The following NBAS variants were observed in gnomAD, a reference collection of about 807,000 sequenced individuals.
NBAS encodes NBAS subunit of NRZ tethering complex.
NBAS carries 219 observed loss-of-function variants against 302.5 expected under a neutral mutation model. That is an observed-to-expected ratio of 0.72 (90% confidence interval 0.65 to 0.81). The LOEUF (loss-of-function observed/expected upper bound fraction) is 0.81. Ranked by LOEUF, NBAS falls within the 30% of genes least tolerant of loss-of-function variation. The probability of loss-of-function intolerance (pLI) is 0.00; values close to 1 mark genes in which losing one functional copy is unlikely to be tolerated. For missense variants in NBAS, 2,932 were observed against 2,841.6 expected (o/e 1.03, Z -0.72); for synonymous variants, 1,118 against 1,021.6 (o/e 1.09, Z -1.80).
intron 50 of NBAS, among the ~76,000 whole-genome samples, chr2:15,186,307 T>C (rs1228334539): frequency 5.9e-5 from 9 of 152,168 alleles, no homozygotes; most frequent in Admixed American, 3.9e-4. Context: ...AGAAAGAATA[T>C]TGTGATTATG....
the NBAS span, among the ~76,000 whole-genome samples, chr2:14,959,858 C>A: frequency 5.3e-5 from 8 of 152,154 alleles, no homozygotes; most frequent in Non-Finnish European, 1.2e-4. Context: ...CTGTTACCTT[C>A]GATTTTTATC....
the NBAS span, among the ~76,000 whole-genome samples, chr2:14,879,684 T>C: frequency 6.6e-6 from 1 of 152,120 alleles, no homozygotes; most frequent in Non-Finnish European, 1.5e-5. Context: ...ACAACACAGC[T>C]TATAGCATGC....
the NBAS span, among the ~76,000 whole-genome samples, chr2:14,970,291 A>G: frequency 6.6e-6 from 1 of 152,168 alleles, no homozygotes; most frequent in Non-Finnish European, 1.5e-5. Flanking sequence ...ATCTATCTGG[A>G]TCTTCAATGA....
At chr2:14,985,838 G>T in the NBAS span, among the ~76,000 whole-genome samples, 1 of 152,128 alleles carries the variant, frequency 6.6e-6, no homozygotes, top group African/African-American at 2.4e-5. Context: ...AGTTAAAATT[G>T]CATTATTAAT....
rs751941818 is a variant in NBAS, at chr2:15,536,489, T to G, written c.576A>C (p.Lys192Asn). The change falls in exon 8 of 52, where the codon AAA becomes AAC. Residue 192 changes from lysine to asparagine, a missense_variant. Transcript: ENST00000281513. The stretch of plus-strand genomic sequence containing the variant: ...GTTCTGCAGACCACTGTGCACTTGC[T>G]TTATATTCTAAAAATATCAACCCAG... ...AIAGLIFLEY[K>N]ASAQWSAELL... 161 of 1,613,374 alleles carry G rather than the reference T, an allele frequency of 1.0e-4. No individual in the cohort carries two copies. The highest frequency in any genetic ancestry group is 1.4e-4 in the Non-Finnish European group (160 of 1,179,822).
chr2:14,925,402 C>T, the NBAS span, among the ~76,000 whole-genome samples: 1 of 152,090 alleles, frequency 6.6e-6, no homozygotes, highest in South Asian at 2.1e-4. Flanking sequence ...TGACATATGC[C>T]CTGACTGGAC....
At chr2:15,545,206 A>C (rs1030621646) in intron 6 of NBAS, among the ~76,000 whole-genome samples, 2 of 152,206 alleles carry the variant, frequency 1.3e-5, no homozygotes, top group South Asian at 4.1e-4. Flanking sequence ...AAAGATGCTT[A>C]TATTAGAATA....
intron 26 of NBAS, among the ~76,000 whole-genome samples, chr2:15,401,053 C>T (rs928335498): frequency 1.4e-4 from 22 of 151,958 alleles, no homozygotes; most frequent in African/African-American, 5.1e-4. Context: ...TCAGGAGGCA[C>T]GTAAGGTCAG....
At chr2:15,225,784 T>C (rs1558453571) in intron 47 of NBAS, among the ~76,000 whole-genome samples, 1 of 152,238 alleles carries the variant, frequency 6.6e-6, no homozygotes, top group Non-Finnish European at 1.5e-5. Context: ...TTTAATGCTA[T>C]AAATCCTTTT....
At chr2:14,803,649 T>A in the NBAS span, among the ~76,000 whole-genome samples, 1 of 152,156 alleles carries the variant, frequency 6.6e-6, no homozygotes, top group Non-Finnish European at 1.5e-5. Flanking sequence ...GTTGTTTGTT[T>A]GTTTGTTTGT....
the NBAS span, among the ~76,000 whole-genome samples, chr2:15,075,760 T>TAC: frequency 0.046 from 6,853 of 150,026 alleles, 226 homozygotes; most frequent in African/African-American, 0.091. Context: ...CCAAAATTTA[T>TAC]ACACACACAC....
At chr2:14,873,687 C>CAAAA in the NBAS span, among the ~76,000 whole-genome samples, 10 of 114,868 alleles carry the variant, frequency 8.7e-5, no homozygotes, top group African/African-American at 2.8e-4. Context: ...TGATGTTTTC[C>CAAAA]AAAAAAAAAA....
the NBAS span, among the ~76,000 whole-genome samples, chr2:14,825,953 A>G: frequency 6.6e-6 from 1 of 152,218 alleles, no homozygotes; most frequent in Non-Finnish European, 1.5e-5. Flanking sequence ...GTTGGGGGCT[A>G]CAGAGGTTAT....
At chr2:15,484,208 A>ATATGAAG (rs1680536364) in intron 12 of NBAS, among the ~76,000 whole-genome samples, 1 of 152,172 alleles carries the variant, frequency 6.6e-6, no homozygotes, top group African/African-American at 2.4e-5. Context: ...AGGGGATGTT[A>ATATGAAG]TTCATATAAA....
At chr2:14,937,497 A>C in the NBAS span, among the ~76,000 whole-genome samples, 1 of 152,136 alleles carries the variant, frequency 6.6e-6, no homozygotes, top group Admixed American at 6.6e-5. Context: ...CATGTGTCCT[A>C]CTTGCACTGC....
the NBAS span, among the ~76,000 whole-genome samples, chr2:14,793,443 T>C: frequency 6.6e-6 from 1 of 152,132 alleles, no homozygotes; most frequent in Non-Finnish European, 1.5e-5. Flanking sequence ...CAGCAGAATA[T>C]TGATGACAGA....
chr2:15,249,467 C>A (rs1473499478), intron 44 of NBAS, among the ~76,000 whole-genome samples: 1 of 152,084 alleles, frequency 6.6e-6, no homozygotes, highest in Non-Finnish European at 1.5e-5. Flanking sequence ...CTGGCCAGGG[C>A]AATCACGCAA....
intron 40 of NBAS, among the ~76,000 whole-genome samples, chr2:15,304,184 C>T (rs777157689): frequency 5.9e-5 from 9 of 152,108 alleles, no homozygotes; most frequent in Non-Finnish European, 1.3e-4. Flanking sequence ...GGTGGTTTCC[C>T]CCATGCCGTT....
chr2:15,245,835 GTC>G (rs2147968489), intron 44 of NBAS, among the ~76,000 whole-genome samples: 1 of 152,288 alleles, frequency 6.6e-6, no homozygotes, highest in Admixed American at 6.5e-5. Context: ...GCCACACAGA[GTC>G]TCTATTAGAC....
Sources: gnomAD v4.1 joint callset for allele counts (sites outside exome capture counted in the v4.1 genomes callset) on GRCh38, gnomAD v4.1.1 for gene constraint, MANE v1.5 for transcripts, NCBI Gene and HGNC (gene_info 2026-07-23, HGNC 2026-07-21) for gene names.